RGS17: variants seen among roughly 807,000 people sequenced by gnomAD.
RGS17 encodes the protein regulator of G protein signaling 17, also known as regulator of G-protein signaling 17.
Under a neutral mutation model 25.5 loss-of-function variants are expected in RGS17, and 12 were observed. The observed-to-expected ratio is 0.47, with a 90% CI of 0.30 to 0.76. RGS17 has a LOEUF of 0.76. RGS17 is among the 30% of genes least tolerant of loss of function. The pLI is 0.07. For synonymous variants in RGS17, 71 were observed against 76.9 expected (o/e 0.92, Z 0.40); for missense variants, 196 against 242.2 (o/e 0.81, Z 1.27).
intron 2 of RGS17, among the ~76,000 whole-genome samples, chr6:153,041,005 A>AG (rs1232045467): frequency 4.0e-5 from 6 of 150,958 alleles, no homozygotes; most frequent in African/African-American, 1.5e-4. Context: ...TAAAAAAAAA[A>AG]AAAAAAAAAA....
Position 153,005,283 on chromosome 6 carries a change from A to G in RGS17, c.*6291T>C, listed in dbSNP as rs1779063189. On this transcript the variant is annotated 3_prime_UTR_variant, in exon 5 of 5. Transcript: ENST00000206262. ...AAGGGAAAAATTCACTTTCACCTCT[A>G]TTAGGTGAATATTCAGGCTAAGACT... The G allele has an allele frequency of 1.3e-5, 2 of 152,184 alleles. No individual in the cohort carries two copies. Among genetic ancestry groups the G allele is most frequent in the African/African-American group, 2.4e-5 (1 of 41,446 alleles). 9.4% of individuals were successfully genotyped at this position (152,184 alleles called of 1,614,324 possible).
At position 153,004,468 on chromosome 6, in the gene RGS17, G is replaced by T. The variant is rs1199676857; in HGVS notation, c.*7106C>A. 2 of 152,092 alleles carry T rather than the reference G, an allele frequency of 1.3e-5. No individual in the cohort carries two copies. The highest frequency in any genetic ancestry group is 2.9e-5 in the Non-Finnish European group (2 of 67,998). The allele number at this position is 152,092 out of a possible 1,614,324, so 9.4% of individuals were successfully genotyped here. A position where few individuals can be genotyped will look rare whatever the true frequency, so the allele number is the denominator to read the frequency against. On this transcript the variant is annotated 3_prime_UTR_variant, in exon 5 of 5. Transcript: ENST00000206262. ...AGTAACTTTCTAAGGATACATTGTT[G>T]AATTCTTTATTAATTCAAAACATTT...
intron 1 of RGS17, among the ~76,000 whole-genome samples, chr6:153,069,608 A>G (rs539029996): frequency 2.3e-4 from 35 of 152,316 alleles, no homozygotes; most frequent in African/African-American, 7.7e-4. Flanking sequence ...AATCACTAAA[A>G]GAGTATAATT....
chr6:153,069,325 TA>T (rs1776751628), intron 1 of RGS17, among the ~76,000 whole-genome samples: 2 of 152,152 alleles, frequency 1.3e-5, no homozygotes. Flanking sequence ...TGGAGTTCAT[TA>T]TGTTAAGTAA....
At chr6:153,063,088 G>A (rs1156386499) in intron 1 of RGS17, among the ~76,000 whole-genome samples, 1 of 152,182 alleles carries the variant, frequency 6.6e-6, no homozygotes, top group Non-Finnish European at 1.5e-5. Context: ...AAGTTATCCT[G>A]AGAAGGATGG....
At chr6:153,052,034 A>C (rs967848771) in intron 1 of RGS17, among the ~76,000 whole-genome samples, 11 of 152,204 alleles carry the variant, frequency 7.2e-5, no homozygotes, top group Admixed American at 1.3e-4. Context: ...AATGACTACA[A>C]AAAAATGATT....
At chr6:153,055,116 A>G (rs1412564796) in intron 1 of RGS17, among the ~76,000 whole-genome samples, 2 of 152,164 alleles carry the variant, frequency 1.3e-5, no homozygotes. Flanking sequence ...CAAATCCCTG[A>G]ACGTGGTAAG....
rs1418494025 is a variant in RGS17 at position 153,054,036 on chromosome 6, TATATATGTATATATGTATATA to T, written c.-25-10014_-25-9994del. On this transcript the variant is annotated intron_variant, in intron 1 of 4. Transcript: ENST00000206262. ...TATATATGTATATAATATATATACATATATATGTATATATGTATATAATATATATACATATATATATACACA... is the reference window on the plus strand; with the variant it reads ...TATATATGTATATAATATATATACATATATATATACATATATATATACACA... Among the ~76,000 whole-genome samples the T allele has an allele frequency of 2.2e-4, 15 of 67,352 alleles. 3 individuals are homozygous for T. The highest frequency in any genetic ancestry group is 9.1e-4 in the African/African-American group (15 of 16,520). The allele number at this position is 67,352 out of a possible 152,430, so 44.2% of individuals were successfully genotyped here. A position where few individuals can be genotyped will look rare whatever the true frequency, so the allele number is the denominator to read the frequency against.
At chr6:153,110,794 A>G (rs187648200) in intron 1 of RGS17, among the ~76,000 whole-genome samples, 3 of 152,308 alleles carry the variant, frequency 2.0e-5, no homozygotes, top group African/African-American at 4.8e-5. Context: ...GGGCGAGCCG[A>G]AGCAGGATAG....
At chr6:153,047,026 C>T (rs146178882) in intron 1 of RGS17, among the ~76,000 whole-genome samples, 1 of 152,324 alleles carries the variant, frequency 6.6e-6, no homozygotes, top group African/African-American at 2.4e-5. Context: ...TGACAGTGGA[C>T]TTTCCATGAG....
chr6:153,057,518 C>T (rs748637340), intron 1 of RGS17, among the ~76,000 whole-genome samples: 4 of 152,130 alleles, frequency 2.6e-5, no homozygotes, highest in Non-Finnish European at 5.9e-5. Flanking sequence ...ACTGGATGAC[C>T]TTTGGTTAGT....
intron 1 of RGS17, among the ~76,000 whole-genome samples, chr6:153,097,290 ATT>A (rs3083488): frequency 1.1e-3 from 97 of 88,288 alleles, no homozygotes; most frequent in African/African-American, 4.4e-3. Context: ...CGTTTTTTTG[ATT>A]TTTTTTTTTT....
intron 1 of RGS17, among the ~76,000 whole-genome samples, chr6:153,079,318 T>C (rs889234312): frequency 1.3e-5 from 2 of 152,182 alleles, no homozygotes; most frequent in Admixed American, 6.5e-5. Context: ...CCTCAGGTGA[T>C]CTGCCCGCTT....
intron 1 of RGS17, among the ~76,000 whole-genome samples, chr6:153,117,277 T>C (rs2129126326): frequency 6.6e-6 from 1 of 152,108 alleles, no homozygotes; most frequent in South Asian, 2.1e-4. Context: ...GAGCCTCTTA[T>C]AAAACCATTA....
rs867625022 is a variant in RGS17, at chr6:153,010,176, A to T, written c.*1398T>A. On this transcript the variant is annotated 3_prime_UTR_variant, in exon 5 of 5. Coordinates refer to ENST00000206262, the MANE Select transcript of RGS17 (RefSeq NM_012419.5). ...TATTATATTCATTCAGTTTAATATT[A>T]AAAAAATAGTCTTCAGGGGATATTA... 7 of 151,888 alleles carry T rather than the reference A, an allele frequency of 4.6e-5. No homozygotes were observed. Among genetic ancestry groups the T allele is most frequent in the Admixed American group, 1.3e-4 (2 of 15,234 alleles). The allele number at this position is 151,888 out of a possible 1,614,324, so 9.4% of individuals were successfully genotyped here. A position where few individuals can be genotyped will look rare whatever the true frequency, so the allele number is the denominator to read the frequency against.
intron 4 of RGS17, among the ~76,000 whole-genome samples, chr6:153,020,975 G>C (rs1358843438): frequency 6.6e-6 from 1 of 152,156 alleles, no homozygotes; most frequent in Non-Finnish European, 1.5e-5. Flanking sequence ...TGAAGTAGTA[G>C]CACAAATACT....
At chr6:153,028,182 T>C (rs1006767922) in intron 2 of RGS17, among the ~76,000 whole-genome samples, 1 of 152,126 alleles carries the variant, frequency 6.6e-6, no homozygotes, top group Admixed American at 6.6e-5. Flanking sequence ...GTGAAATACA[T>C]TGAGTTTGCC....
chr6:153,043,319 C>T (rs976793327), intron 2 of RGS17, among the ~76,000 whole-genome samples: 1 of 152,144 alleles, frequency 6.6e-6, no homozygotes, highest in African/African-American at 2.4e-5. Context: ...CTGAGTTGGA[C>T]TTCATTCCAA....
At chr6:153,120,383 CCT>C (rs1342280023) in intron 1 of RGS17, among the ~76,000 whole-genome samples, 1 of 152,176 alleles carries the variant, frequency 6.6e-6, no homozygotes, top group Non-Finnish European at 1.5e-5. Flanking sequence ...TAAAATGCTC[CCT>C]GACAGCTTTA....
Sources: allele counts gnomAD v4.1 joint callset (sites outside exome capture counted in the v4.1 genomes callset), GRCh38; gene constraint gnomAD v4.1.1; transcripts MANE v1.5; gene names NCBI Gene and HGNC (gene_info 2026-07-23, HGNC 2026-07-21).